The following DLG2 variants were observed in gnomAD, a reference collection of about 807,000 sequenced individuals.
DLG2 encodes discs large MAGUK scaffold protein 2, also known as disks large homolog 2.
In DLG2, 45 loss-of-function variants were observed where a neutral mutation model predicts 132.5. That is an observed-to-expected ratio of 0.34 (90% CI 0.27 to 0.44). DLG2 has a LOEUF of 0.44. Ranked by LOEUF, DLG2 falls within the 20% of genes least tolerant of loss-of-function variation. The pLI is 1.00. For missense variants in DLG2, 1,045 were observed against 1,196.9 expected (o/e 0.87, Z 1.87); for synonymous variants, 424 against 419.6 (o/e 1.01, Z -0.13).
chr11:84,045,347 A>T (rs1280052405), intron 11 of DLG2, among the ~76,000 whole-genome samples: 1 of 151,732 alleles, frequency 6.6e-6, no homozygotes, highest in Non-Finnish European at 1.5e-5. Flanking sequence ...GGAATTGCTG[A>T]GTCACTACTG....
chr11:83,617,484 T>C (rs1046644802), intron 19 of DLG2, among the ~76,000 whole-genome samples: 5 of 152,222 alleles, frequency 3.3e-5, no homozygotes, highest in Non-Finnish European at 7.3e-5. Flanking sequence ...CCTTGTTATT[T>C]AGTAAAATTG....
At chr11:83,565,394 A>T (rs942571158) in intron 19 of DLG2, among the ~76,000 whole-genome samples, 2 of 152,214 alleles carry the variant, frequency 1.3e-5, no homozygotes, top group Non-Finnish European at 2.9e-5. Flanking sequence ...GGGGAAAGAG[A>T]AAAAGGCAGC....
rs536964939 is a variant in DLG2, at chr11:84,402,424, T to C, written c.519+132146A>G. The stretch of plus-strand genomic sequence containing the variant: ...GGCTGATTGATATTAAGTGGCAACA[T>C]AGATTATATTGCTGATAAATAACAG... On this transcript the variant is annotated intron_variant, in intron 7 of 27. Transcript: ENST00000376104. Among the ~76,000 whole-genome samples the C allele has an allele frequency of 1.0e-3, 156 of 152,256 alleles. No individual in the cohort carries two copies. In the South Asian group the frequency reaches 0.014, roughly 14 times the overall value.
At chr11:85,472,498 C>T (rs2093016529) in intron 3 of DLG2, among the ~76,000 whole-genome samples, 1 of 152,110 alleles carries the variant, frequency 6.6e-6, no homozygotes, top group South Asian at 2.1e-4. Context: ...CAGGGTTCCT[C>T]CATGTTGGCC....
chr11:85,247,565 TA>T (rs570801374), intron 4 of DLG2, among the ~76,000 whole-genome samples: 13 of 151,980 alleles, frequency 8.6e-5, no homozygotes, highest in Middle Eastern at 3.4e-3. Context: ...AGTAATTGAA[TA>T]AAAAAAATTA....
intron 7 of DLG2, among the ~76,000 whole-genome samples, chr11:84,470,742 G>A (rs2099106352): frequency 6.6e-6 from 1 of 151,778 alleles, no homozygotes; most frequent in Non-Finnish European, 1.5e-5. Flanking sequence ...GCTCGAGTGT[G>A]TACAAAGAAG....
At chr11:83,540,049 C>A (rs2096016202) in intron 20 of DLG2, among the ~76,000 whole-genome samples, 1 of 152,148 alleles carries the variant, frequency 6.6e-6, no homozygotes, top group African/African-American at 2.4e-5. Context: ...TTAGGCAGCT[C>A]CAACTAGTGA....
intron 7 of DLG2, among the ~76,000 whole-genome samples, chr11:84,304,703 G>T (rs1278541365): frequency 6.6e-6 from 1 of 152,138 alleles, no homozygotes; most frequent in South Asian, 2.1e-4. Flanking sequence ...AATTACTCAT[G>T]ATTTTCATGT....
intron 15 of DLG2, among the ~76,000 whole-genome samples, chr11:83,888,598 A>T (rs965740449): frequency 3.3e-5 from 5 of 152,150 alleles, no homozygotes; most frequent in Admixed American, 1.3e-4. Context: ...TGGAAAAACT[A>T]CTTTAAAGTT....
At chr11:83,815,735 A>T (rs1162650430) in intron 17 of DLG2, among the ~76,000 whole-genome samples, 1 of 152,160 alleles carries the variant, frequency 6.6e-6, no homozygotes, top group Non-Finnish European at 1.5e-5. Context: ...CAGCTATTGC[A>T]GTTACCAAGC....
At chr11:84,695,182 T>C (rs2058492184) in intron 6 of DLG2, among the ~76,000 whole-genome samples, 2 of 151,620 alleles carry the variant, frequency 1.3e-5, no homozygotes, top group African/African-American at 4.8e-5. Flanking sequence ...CTTTGCACAG[T>C]TCTGCAGAAT....
At chr11:85,312,328 G>A (rs1300324030) in intron 3 of DLG2, among the ~76,000 whole-genome samples, 2 of 151,160 alleles carry the variant, frequency 1.3e-5, no homozygotes, top group African/African-American at 4.8e-5. Flanking sequence ...TTCTAAAAAT[G>A]ACATCTCTCA....
chr11:85,528,031 G>C (rs1280755685), intron 3 of DLG2, among the ~76,000 whole-genome samples: 1 of 150,980 alleles, frequency 6.6e-6, no homozygotes, highest in Admixed American at 6.6e-5. Context: ...TGATGGGATT[G>C]TTTGTTTTTT....
At chr11:84,868,854 T>C (rs556794068) in intron 6 of DLG2, among the ~76,000 whole-genome samples, 1 of 152,336 alleles carries the variant, frequency 6.6e-6, no homozygotes, top group East Asian at 1.9e-4. Context: ...GCTGGGCATA[T>C]AGTACAAGCA....
At chr11:84,636,477 A>G (rs2099640637) in intron 6 of DLG2, among the ~76,000 whole-genome samples, 1 of 152,122 alleles carries the variant, frequency 6.6e-6, no homozygotes, top group African/African-American at 2.4e-5. Context: ...GTGGAGAGTA[A>G]AATCTACCTT....
chr11:83,483,742 G>T (rs1273975989), intron 22 of DLG2, among the ~76,000 whole-genome samples: 1 of 151,992 alleles, frequency 6.6e-6, no homozygotes, highest in East Asian at 1.9e-4. Context: ...AATCAATAAA[G>T]ATAATTTAAT....
At chr11:85,143,123 A>G (rs1417764273) in intron 5 of DLG2, among the ~76,000 whole-genome samples, 1 of 151,604 alleles carries the variant, frequency 6.6e-6, no homozygotes, top group Non-Finnish European at 1.5e-5. Context: ...TTTGAGTAGG[A>G]TTGGTATTAG....
intron 7 of DLG2, 80 bp downstream of exon 7, chr11:84,534,490 C>T (rs1202598429): frequency 9.2e-6 from 13 of 1,412,016 alleles, no homozygotes; most frequent in Admixed American, 1.8e-5. Flanking sequence ...CTCATTTAAT[C>T]GGGCCAGCAA....
intron 6 of DLG2, among the ~76,000 whole-genome samples, chr11:84,792,465 CTCT>C (rs931572057): frequency 1.5e-4 from 23 of 152,092 alleles, no homozygotes; most frequent in African/African-American, 5.5e-4. Flanking sequence ...GTATTCCTTT[CTCT>C]TCTTTTTTTT....
Sources: allele counts gnomAD v4.1 joint callset (sites outside exome capture counted in the v4.1 genomes callset), GRCh38; gene constraint gnomAD v4.1.1; transcripts MANE v1.5; gene names NCBI Gene and HGNC (gene_info 2026-07-23, HGNC 2026-07-21).